BCOR: variants seen among roughly 807,000 people sequenced by gnomAD.
The protein encoded by BCOR is BCL6 corepressor.
A neutral mutation model predicts 86.7 loss-of-function variants in BCOR; 10 were observed. That is an observed-to-expected ratio of 0.12 (90% CI 0.07 to 0.20). The LOEUF (loss-of-function observed/expected upper bound fraction) is 0.20. Ranked by LOEUF, BCOR falls within the 10% of genes least tolerant of loss-of-function variation. The pLI is 1.00. For missense variants in BCOR, 1,259 were observed against 1,452.1 expected, an observed-to-expected ratio of 0.87 and a Z score of 2.16; for synonymous variants, 611 against 609.0, an observed-to-expected ratio of 1.00 and a Z score of -0.05.
chrX:40,077,823 G>A (rs755988887), intron 2 of BCOR, 21 bp downstream of exon 2: 7 of 1,197,724 alleles, frequency 5.8e-6, no homozygotes, highest in East Asian at 5.9e-5. Flanking sequence ...ACTCAGGCCC[G>A]GCCCAGATGG....
chrX:40,105,776 C>T (rs1189184213), intron 1 of BCOR, among the ~76,000 whole-genome samples: 1 of 112,983 alleles, frequency 8.9e-6, no homozygotes, highest in Non-Finnish European at 1.9e-5. Flanking sequence ...ATCTCCCACC[C>T]ACTGCAGGCG....
intron 1 of BCOR, among the ~76,000 whole-genome samples, chrX:40,170,100 C>T (rs1240203490): frequency 8.9e-6 from 1 of 111,884 alleles, no homozygotes; most frequent in Non-Finnish European, 1.9e-5. Context: ...AACTCCAGGC[C>T]TTCAAGACGC....
chrX:40,064,207 C>T, intron 7 of BCOR, 129 bp downstream of exon 7: 6 of 1,013,127 alleles, frequency 5.9e-6, no homozygotes, highest in Non-Finnish European at 8.2e-6. Flanking sequence ...CTGCTGCGCC[C>T]CCACGGCTTC....
chrX:40,155,076 G>A (rs1938260362), intron 1 of BCOR, among the ~76,000 whole-genome samples: 1 of 111,017 alleles, frequency 9.0e-6, no homozygotes, highest in East Asian at 2.9e-4. Flanking sequence ...AGGGGGTCGG[G>A]GGAGGGGCGG....
Position 40,157,446 on chromosome X carries a change from G to A in BCOR, c.-41+19561C>T, listed in dbSNP as rs1412056052. 3.6e-5 allele frequency among the ~76,000 whole-genome samples: 4 copies of A among 112,301 alleles called. No individual in the cohort carries two copies. The East Asian group carries it at 8.3e-4, about 23-fold the overall frequency. On this transcript the variant is annotated intron_variant, in intron 1 of 14. Coordinates refer to the BCOR transcript ENST00000342274. Reference sequence around the variant, plus strand: ...GCTGGTGTGGCTGCTGCCCAGGGTAGGTGGAGGAAGTGTTTTCCATAAGAA... The same window carrying A: ...GCTGGTGTGGCTGCTGCCCAGGGTAAGTGGAGGAAGTGTTTTCCATAAGAA...
chrX:40,161,943 G>A (rs770454267), intron 1 of BCOR, among the ~76,000 whole-genome samples: 1 of 111,977 alleles, frequency 8.9e-6, no homozygotes, highest in Admixed American at 9.5e-5. Context: ...CCATCTTGCT[G>A]GCTAAACAAG....
intron 14 of BCOR, among the ~76,000 whole-genome samples, chrX:40,053,245 G>GATA (rs1314901163): frequency 8.9e-6 from 1 of 112,000 alleles, no homozygotes. Flanking sequence ...CATACTTTAT[G>GATA]ATTTCCATCA....
intron 1 of BCOR, among the ~76,000 whole-genome samples, chrX:40,145,368 C>A (rs1184648424): frequency 1.8e-5 from 2 of 111,899 alleles, no homozygotes; most frequent in Non-Finnish European, 3.8e-5. Flanking sequence ...AAGGGGACAA[C>A]CTCACCCGAC....
At chrX:40,113,972 C>G (rs1602233651) in intron 1 of BCOR, among the ~76,000 whole-genome samples, 1 of 110,913 alleles carries the variant, frequency 9.0e-6, no homozygotes, top group East Asian at 2.8e-4. Flanking sequence ...GTGTGTGCCA[C>G]CAAGCCTGGC....
intron 1 of BCOR, among the ~76,000 whole-genome samples, chrX:40,161,415 G>A (rs1317227012): frequency 1.9e-5 from 2 of 108,071 alleles, no homozygotes; most frequent in Admixed American, 2.0e-4. Context: ...GGTCAGGCTA[G>A]TCTCAAACCC....
chrX:40,109,263 GCCCCCA>G (rs1164682108), intron 1 of BCOR, among the ~76,000 whole-genome samples: 1 of 112,046 alleles, frequency 8.9e-6, no homozygotes, highest in Non-Finnish European at 1.9e-5. Context: ...CGGCGCGGGT[GCCCCCA>G]CCCCCACCCC....
chrX:40,056,924 A>C (rs1237392546), intron 11 of BCOR, among the ~76,000 whole-genome samples: 1 of 112,319 alleles, frequency 8.9e-6, no homozygotes, highest in Non-Finnish European at 1.9e-5. Flanking sequence ...CATTTTCAGA[A>C]GCTTTGGTTC....
chrX:40,057,169 G>A lies in BCOR; in HGVS notation c.4581C>T (p.Ala1527=), dbSNP rs758631631. ...LEYGADVNCS[A]QDGTRPLHDA... is the part of the protein sequence containing the mutation. ...ACATCACTGACCTGGTTCCATCCTGGGCACTACAGTTGACATCAGCGCCAT... is the reference window on the plus strand; with the variant it reads ...ACATCACTGACCTGGTTCCATCCTGAGCACTACAGTTGACATCAGCGCCAT... The change falls in exon 11 of 15, where the codon GCC becomes GCT. Residue 1527 remains alanine (A), a synonymous_variant. Coordinates refer to ENST00000378444, the MANE Select transcript of BCOR (RefSeq NM_001123385.2). 26 of 1,210,028 alleles carry A rather than the reference G, an allele frequency of 2.1e-5. No homozygotes were observed. In the East Asian group the frequency reaches 7.4e-4, roughly 34 times the overall value.
rs2147176927 is a variant in BCOR at position 40,071,123 on chromosome X, C to T, written c.3088G>A (p.Glu1030Lys). The T allele has an allele frequency of 8.3e-7, 1 of 1,209,658 alleles. No homozygotes were observed. The highest frequency in any genetic ancestry group is 1.1e-6 in the Non-Finnish European group (1 of 894,840). The change falls in exon 6 of 15, where the codon GAA becomes AAA. Residue 1030 changes from glutamate (E) to lysine (K), a missense_variant. Physicochemically the swap from Glu to Lys is moderately conservative, Grantham distance 56 (BLOSUM62 1). Around this residue, in one of 7 missense-constraint regions of BCOR, gnomAD observed 56 missense variants for 106.6 expected, o/e 0.53. Coordinates refer to ENST00000378444, the MANE Select transcript of BCOR (RefSeq NM_001123385.2). ...GTTGCTGGGTGGCCACCTTCTCTTT[C>T]TTTCATCTCCAACTCTGAGAAGCGC... ...MMRFSELEMK[E>K]REGGHPATKD...
chrX:40,152,438 G>A (rs1018761281), intron 1 of BCOR, among the ~76,000 whole-genome samples: 1 of 112,329 alleles, frequency 8.9e-6, no homozygotes, highest in African/African-American at 3.2e-5. Flanking sequence ...GTGCTGGAGG[G>A]CTCGCCGCTG....
At chrX:40,144,740 C>T (rs1938003041) in intron 1 of BCOR, among the ~76,000 whole-genome samples, 1 of 110,642 alleles carries the variant, frequency 9.0e-6, no homozygotes. Context: ...CCCCTCCCCG[C>T]CAAATCCCAA....
rs1433723235 is a variant in BCOR, at chrX:40,116,478, C to T, written c.-40-38509G>A. ...CGCCACTGCACTCCAGCCTGGGCAA[C>T]GGTGCAAGACTCTGTCTCAAAAAAA... On this transcript the variant is annotated intron_variant, in intron 1 of 14. Coordinates refer to the BCOR transcript ENST00000342274. 2.8e-5 allele frequency among the ~76,000 whole-genome samples: 3 copies of T among 108,722 alleles called. No homozygotes were observed. The Admixed American group carries it at 3.0e-4, about 11-fold the overall frequency. The allele number at this position is 108,722 out of a possible 115,157, so 94.4% of individuals were successfully genotyped here.
At chrX:40,173,630 G>T (rs768585350) in intron 1 of BCOR, among the ~76,000 whole-genome samples, 1 of 112,416 alleles carries the variant, frequency 8.9e-6, no homozygotes, top group Non-Finnish European at 1.9e-5. Flanking sequence ...GGATAGGAGG[G>T]AGAGTCCTTT....
intron 11 of BCOR, among the ~76,000 whole-genome samples, chrX:40,056,281 T>TTAAAAAAA (rs1169536747): frequency 8.1e-5 from 5 of 61,451 alleles, no homozygotes; most frequent in African/African-American, 3.4e-4. Flanking sequence ...TGTCACACAT[T>TTAAAAAAA]AAAAAAAAAA....
Sources: allele counts gnomAD v4.1 joint callset (sites outside exome capture counted in the v4.1 genomes callset), GRCh38; gene constraint gnomAD v4.1.1; regional missense constraint gnomAD v4.1.1; transcripts MANE v1.5; gene names NCBI Gene and HGNC (gene_info 2026-07-23, HGNC 2026-07-21).